Variants in CFAP54 observed in about 807,000 individuals in gnomAD.
CFAP54 encodes cilia- and flagella-associated protein 54.
CFAP54 carries 290 observed loss-of-function variants against 370.4 expected under a neutral mutation model. That is an observed-to-expected ratio of 0.78 (90% CI 0.71 to 0.86). CFAP54 has a LOEUF of 0.86. CFAP54 is among the 40% of genes least tolerant of loss of function. The pLI, the probability that CFAP54 is intolerant of heterozygous loss-of-function variation, is 0.00. For missense variants in CFAP54, 3,399 were observed against 3,528.7 expected (o/e 0.96, Z 0.93); for synonymous variants, 1,206 against 1,236.5 (o/e 0.98, Z 0.52).
chr12:96,578,521 A>C (rs1425629183), intron 20 of CFAP54, among the ~76,000 whole-genome samples: 1 of 152,218 alleles, frequency 6.6e-6, no homozygotes, highest in Non-Finnish European at 1.5e-5. Flanking sequence ...CTTTAACCAA[A>C]ATCTTATTCT....
chr12:96,633,020 T>G (rs1956624678), intron 32 of CFAP54, among the ~76,000 whole-genome samples: 1 of 152,182 alleles, frequency 6.6e-6, no homozygotes, highest in Non-Finnish European at 1.5e-5. Context: ...CATTTTTGAA[T>G]TTTTCTATTC....
At chr12:96,678,767 A>G (rs1320049899) in intron 39 of CFAP54, among the ~76,000 whole-genome samples, 1 of 151,980 alleles carries the variant, frequency 6.6e-6, no homozygotes, top group African/African-American at 2.4e-5. Context: ...TTATTACTCC[A>G]GTGTTGGAGT....
chr12:96,512,676 A>C (rs1955186697), intron 4 of CFAP54, among the ~76,000 whole-genome samples: 1 of 152,136 alleles, frequency 6.6e-6, no homozygotes, highest in Non-Finnish European at 1.5e-5. Flanking sequence ...TAATGAAAGC[A>C]CAGGGTACAT....
At chr12:96,753,976 T>A (rs981457230) in intron 56 of CFAP54, 78 bp downstream of exon 56, 19 of 1,458,308 alleles carry the variant, frequency 1.3e-5, no homozygotes, top group Non-Finnish European at 1.8e-5. Context: ...TTCTTGAAAA[T>A]CTGGTCCCTG....
intron 19 of CFAP54, among the ~76,000 whole-genome samples, chr12:96,565,324 C>G (rs1411836271): frequency 1.3e-5 from 2 of 152,072 alleles, no homozygotes; most frequent in Non-Finnish European, 2.9e-5. Flanking sequence ...GCTTTGAACT[C>G]CTGGGTTTAA....
chr12:96,620,085 G>A (rs1322252634), intron 26 of CFAP54, among the ~76,000 whole-genome samples: 1 of 152,140 alleles, frequency 6.6e-6, no homozygotes, highest in Non-Finnish European at 1.5e-5. Flanking sequence ...GTCACTATTA[G>A]TTTAGTGCCT....
At chr12:96,861,324 T>A (rs1959875074) in intron 67 of CFAP54, among the ~76,000 whole-genome samples, 1 of 152,192 alleles carries the variant, frequency 6.6e-6, no homozygotes, top group African/African-American at 2.4e-5. Context: ...GGAGACGTAT[T>A]TGGTTGTTAT....
In CFAP54 at chr12:96,630,595, T is replaced by C; in HGVS notation, c.4260T>C (p.Thr1420=). Residue 1420 remains threonine, a synonymous_variant, in exon 32 of 68, where the codon ACT becomes ACC. Transcript: ENST00000524981. ...QQRIRSKKKE[T]LRDFIFKNPA... is the part of the protein sequence containing the mutation. ...GAATAAGAAGTAAAAAAAAGGAAACTCTAAGAGATTTCATTTTTAAAAATC... is the reference window on the plus strand; with the variant it reads ...GAATAAGAAGTAAAAAAAAGGAAACCCTAAGAGATTTCATTTTTAAAAATC... 1 of 1,508,224 alleles carries C rather than the reference T, an allele frequency of 6.6e-7. No individual in the cohort carries two copies. The highest frequency in any genetic ancestry group is 8.8e-7 in the Non-Finnish European group (1 of 1,133,562). 93.4% of individuals were successfully genotyped at this position (1,508,224 alleles called of 1,614,324 possible).
At chr12:96,577,539 G>T (rs1955990601) in intron 20 of CFAP54, among the ~76,000 whole-genome samples, 1 of 152,050 alleles carries the variant, frequency 6.6e-6, no homozygotes, top group African/African-American at 2.4e-5. Flanking sequence ...TGGTATAGTA[G>T]AGAGAACATA....
chr12:96,663,902 A>G lies in CFAP54; in HGVS notation c.5533A>G (p.Thr1845Ala), dbSNP rs779113503. ...AACCATTGAAGCAACAAGCAACTGC[A>G]CAGATTTGCTAAAAATGCTTATCTC... is the stretch of plus-strand genomic sequence containing the variant. ...SSTIEATSNC[T>A]DLLKMLISSE... Residue 1845 changes from threonine (T) to alanine (A), a missense_variant, in exon 39 of 68, where the codon ACA (threonine) becomes GCA (alanine). Transcript: ENST00000524981. 5 of 1,613,088 alleles carry G rather than the reference A, an allele frequency of 3.1e-6. No homozygotes were observed. The Admixed American group carries it at 5.0e-5, about 16-fold the overall frequency.
At chr12:96,689,942 AC>A (rs1415162063) in intron 43 of CFAP54, among the ~76,000 whole-genome samples, 2 of 152,178 alleles carry the variant, frequency 1.3e-5, no homozygotes, top group Non-Finnish European at 2.9e-5. Flanking sequence ...GGAAGGCCAG[AC>A]TTTTCAATTT....
At chr12:96,507,761 T>G (rs1955123660) in intron 4 of CFAP54, among the ~76,000 whole-genome samples, 1 of 152,332 alleles carries the variant, frequency 6.6e-6, no homozygotes, top group East Asian at 1.9e-4. Context: ...ATATTGGATT[T>G]TCCCTCATCC....
intron 4 of CFAP54, among the ~76,000 whole-genome samples, chr12:96,509,045 A>G (rs947801710): frequency 6.6e-5 from 10 of 152,198 alleles, no homozygotes; most frequent in African/African-American, 2.4e-4. Context: ...TGCCTACCAT[A>G]TGCTAGGCAT....
intron 46 of CFAP54, among the ~76,000 whole-genome samples, chr12:96,701,561 G>A (rs147602695): frequency 4.6e-5 from 7 of 151,914 alleles, no homozygotes; most frequent in African/African-American, 1.7e-4. Flanking sequence ...AGAGTTGAGG[G>A]GATGGAGAGT....
intron 42 of CFAP54, among the ~76,000 whole-genome samples, chr12:96,688,022 ACT>A (rs1957346202): frequency 6.6e-6 from 1 of 151,674 alleles, no homozygotes; most frequent in Non-Finnish European, 1.5e-5. Context: ...AGTAGAGGAA[ACT>A]CTTCTCCCCG....
Position 96,720,534 on chromosome 12 carries a change from G to A in CFAP54, c.6934G>A (p.Val2312Ile), listed in dbSNP as rs749011661. Residue 2312 changes from valine (V) to isoleucine (I), a missense_variant, in exon 50 of 68, where the codon GTT becomes ATT. Coordinates refer to ENST00000524981, the MANE Select transcript of CFAP54 (RefSeq NM_001306084.2). The stretch of plus-strand genomic sequence containing the variant: ...GGAGGCCCGGCTTCAGCTGGCTGCA[G>A]TTGCTCTGCAGAGGCACCGGGCGGC... ...VVEARLQLAA[V>I]ALQRHRAAYS... 14 of 1,580,862 alleles carry A rather than the reference G, an allele frequency of 8.9e-6. No homozygotes were observed. The highest frequency in any genetic ancestry group is 1.8e-4 in the Middle Eastern group (1 of 5,692).
chr12:96,823,956 T>G (rs528465234), intron 65 of CFAP54, among the ~76,000 whole-genome samples: 1 of 149,644 alleles, frequency 6.7e-6, no homozygotes, highest in South Asian at 2.1e-4. Context: ...AAGTTTTTTC[T>G]CCCCCCACCC....
At chr12:96,840,641 T>TA (rs1959207739) in intron 66 of CFAP54, among the ~76,000 whole-genome samples, 2 of 148,366 alleles carry the variant, frequency 1.3e-5, no homozygotes, top group Admixed American at 6.7e-5. Flanking sequence ...TTTTTTTTTT[T>TA]ACAAACCAAG....
rs546761489 is a variant in CFAP54, at chr12:96,817,434, T to C, written c.8958-341T>C. 3.6e-3 allele frequency among the ~76,000 whole-genome samples: 545 copies of C among 152,002 alleles called. 5 individuals carry two copies. Among genetic ancestry groups the C allele is most frequent in the African/African-American group, 0.012 (510 of 41,484 alleles). On this transcript the variant is annotated intron_variant, in intron 64 of 67. Coordinates refer to ENST00000524981, the MANE Select transcript of CFAP54 (RefSeq NM_001306084.2). ...TGCAAATAAATACCTTTCTTTCTTT[T>C]TTTTTTTTTTCTGTCTCGCTCTGTC...
Sources: gnomAD v4.1 joint callset for allele counts (sites outside exome capture counted in the v4.1 genomes callset) on GRCh38, gnomAD v4.1.1 for gene constraint, MANE v1.5 for transcripts, NCBI Gene and HGNC (gene_info 2026-07-23, HGNC 2026-07-21) for gene names.